Variants in ORC1 observed in about 807,000 individuals in gnomAD.
ORC1 encodes the protein origin recognition complex subunit 1, also known as origin recognition complex, subunit 1 homolog.
In ORC1, 61 loss-of-function variants were observed where a neutral mutation model predicts 98.9. The observed-to-expected ratio is 0.62, with a 90% CI of 0.50 to 0.76. The LOEUF is 0.76. ORC1 is among the 30% of genes least tolerant of loss of function. The pLI, the probability that ORC1 is intolerant of heterozygous loss-of-function variation, is 0.00. For synonymous variants in ORC1, 385 were observed against 406.9 expected (o/e 0.95, Z 0.65); for missense variants, 979 against 1,072.2 (o/e 0.91, Z 1.21).
intron 7 of ORC1, 129 bp from the exon 8 acceptor site, chr1:52,388,766 C>A: frequency 1.3e-6 from 1 of 773,514 alleles, no homozygotes; most frequent in South Asian, 1.4e-5. Flanking sequence ...GTGCTTGCTA[C>A]CGAGACACTC....
chr1:52,376,123 G>C (rs1439418805), intron 14 of ORC1, among the ~76,000 whole-genome samples: 1 of 152,226 alleles, frequency 6.6e-6, no homozygotes, highest in Non-Finnish European at 1.5e-5. Context: ...TATAATCCCA[G>C]AACTTTGGGA....
At position 52,384,819 on chromosome 1, in the gene ORC1, G is replaced by C. The variant is rs950526162; in HGVS notation, c.1584-98C>G. On this transcript the variant is annotated intron_variant, in intron 10 of 16. Transcript: ENST00000371568. ...GGGAATGTATACTGAGGGAAGGACC[G>C]AGACCCTTGAAATGTGGAGGTGGGG... The C allele has an allele frequency of 7.2e-6, 8 of 1,111,688 alleles. No individual in the cohort carries two copies. In the African/African-American group the frequency reaches 1.2e-4, roughly 17 times the overall value. 68.9% of individuals were successfully genotyped at this position (1,111,688 alleles called of 1,614,324 possible). A position where few individuals can be genotyped will look rare whatever the true frequency, so the allele number is the denominator to read the frequency against.
In ORC1 at chr1:52,394,773, C is replaced by T. The variant is rs183538105; in HGVS notation, c.722-970G>A. On this transcript the variant is annotated intron_variant, in intron 5 of 16. Transcript: ENST00000371568. Reference sequence around the variant, plus strand: ...AAGAGATTCTCCTGCCTCAGCCTCCCGAGTAGCTGGGATTACAGGTATGTG... The same window carrying T: ...AAGAGATTCTCCTGCCTCAGCCTCCTGAGTAGCTGGGATTACAGGTATGTG... Among the ~76,000 whole-genome samples, 458 of 152,178 alleles carry T rather than the reference C, an allele frequency of 3.0e-3. 2 individuals carry two copies. The highest frequency in any genetic ancestry group is 0.01 in the African/African-American group (431 of 41,508).
rs1647105984 is a variant in ORC1, at chr1:52,383,851, G to A, written c.1842C>T (p.Thr614=). ...QFCTRGSPQE[T]TVLLVDELDL... ...TCACCTCATCCACAAGCAGGACGGT[G>A]GTTTCCTGAGGTGACCCTCGGGTGC... The change falls in exon 12 of 17, where the codon ACC becomes ACT. Residue 614 remains threonine, a synonymous_variant. Transcript: ENST00000371568. 1 of 1,613,978 alleles carries A rather than the reference G, an allele frequency of 6.2e-7. No individual in the cohort carries two copies. The highest frequency in any genetic ancestry group is 8.5e-7 in the Non-Finnish European group (1 of 1,179,888).
intron 4 of ORC1, among the ~76,000 whole-genome samples, chr1:52,396,999 G>A (rs1557583757): frequency 6.6e-6 from 1 of 152,164 alleles, no homozygotes; most frequent in African/African-American, 2.4e-5. Flanking sequence ...CAAGCCCTGT[G>A]CCTCTCCGCG....
At chr1:52,404,933 G>T, upstream of ORC1, 2 of 1,596,226 alleles carry the variant, frequency 1.3e-6, no homozygotes, top group South Asian at 1.1e-5. Flanking sequence ...CATTTCTCCT[G>T]ACCGAGCGCG....
At position 52,373,085 on chromosome 1, in the gene ORC1, T is replaced by C. The variant is rs1646954059; in HGVS notation, c.*96A>G. The C allele has an allele frequency of 1.7e-5, 22 of 1,260,420 alleles. No individual in the cohort carries two copies. The highest frequency in any genetic ancestry group is 2.6e-5 in the Non-Finnish European group (22 of 861,710). The allele number at this position is 1,260,420 out of a possible 1,614,324, so 78.1% of individuals were successfully genotyped here. A position where few individuals can be genotyped will look rare whatever the true frequency, so the allele number is the denominator to read the frequency against. On this transcript the variant is annotated 3_prime_UTR_variant, in exon 17 of 17. Coordinates refer to ENST00000371568, the MANE Select transcript of ORC1 (RefSeq NM_004153.4). ...AAGTCAAGGCTGCAGTGAGCCATGATCGTGCCACTGCACTCCAGCCTGGGC... is the reference window on the plus strand; with the variant it reads ...AAGTCAAGGCTGCAGTGAGCCATGACCGTGCCACTGCACTCCAGCCTGGGC...
intron 13 of ORC1, among the ~76,000 whole-genome samples, chr1:52,382,376 T>C (rs1010034606): frequency 6.6e-6 from 1 of 152,128 alleles, no homozygotes; most frequent in Admixed American, 6.5e-5. Flanking sequence ...GGTGCTTTAA[T>C]TGAAGTGGGT....
At chr1:52,384,139 A>G (rs116784818) in intron 11 of ORC1, among the ~76,000 whole-genome samples, 17 of 152,362 alleles carry the variant, frequency 1.1e-4, no homozygotes, top group Non-Finnish European at 2.4e-4. Context: ...ATGAGTTTGA[A>G]ATGCAAATGA....
chr1:52,400,451 A>G (rs1024450127), intron 3 of ORC1, among the ~76,000 whole-genome samples: 2 of 152,338 alleles, frequency 1.3e-5, no homozygotes, highest in Middle Eastern at 3.4e-3. Flanking sequence ...GGTTGTTGTC[A>G]GGTAACTGAA....
At position 52,393,617 on chromosome 1, in the gene ORC1, T is replaced by C. The variant is rs753698719; in HGVS notation, c.908A>G (p.Tyr303Cys). ...TGAAGCCTTCTTGTCATCCTCAGTA[T>C]AAGAGAGTCCAGTCTCTCTGGTTTT... ...PEKTRETGLS[Y>C]TEDDKKASPE... is the part of the protein sequence containing the mutation. Residue 303 changes from tyrosine to cysteine, a missense_variant, in exon 6 of 17, where the codon TAT becomes TGT. Coordinates refer to ENST00000371568, the MANE Select transcript of ORC1 (RefSeq NM_004153.4). The C allele has an allele frequency of 1.9e-6, 3 of 1,614,052 alleles. No homozygotes were observed. The African/African-American group carries it at 4.0e-5, about 22-fold the overall frequency.
At chr1:52,380,422 G>A (rs1009031516) in intron 14 of ORC1, among the ~76,000 whole-genome samples, 3 of 152,222 alleles carry the variant, frequency 2.0e-5, no homozygotes, top group Non-Finnish European at 2.9e-5. Flanking sequence ...TTGGCCGAGC[G>A]CAGTGGCTTG....
chr1:52,379,792 G>A (rs573643199), intron 14 of ORC1, among the ~76,000 whole-genome samples: 4 of 152,054 alleles, frequency 2.6e-5, no homozygotes, highest in African/African-American at 7.2e-5. Context: ...AATTAGCTGG[G>A]TGTGGTGGTG....
intron 16 of ORC1, 44 bp downstream of exon 16, chr1:52,374,766 G>A (rs113159737): frequency 2.0e-5 from 27 of 1,343,792 alleles, no homozygotes; most frequent in Middle Eastern, 1.8e-4. Flanking sequence ...TTTTAAAAGC[G>A]TAAGTCCAAA....
rs1398291284 is a variant in ORC1, at chr1:52,385,859, G to A, written c.1474C>T (p.Arg492Ter). The change falls in exon 9 of 17, where the codon CGA becomes TGA. Residue 492 changes from arginine to a stop codon, truncating the protein, a stop_gained. Transcript: ENST00000371568. LOFTEE classifies it high-confidence loss of function. ...QEPASVLEEA[R>*]LRLHVSAVPE... ...AATCAACAGCAGCAGTACCTCAGTC[G>A]GGCTTCCTCCAGCACACTGGCTGGC... 5.6e-6 allele frequency: 9 copies of A among 1,612,340 alleles called. No homozygotes were observed. Among genetic ancestry groups the A allele is most frequent in the Admixed American group, 5.0e-5 (3 of 60,014 alleles).
chr1:52,397,592 T>C (rs1463269317), intron 4 of ORC1, 93 bp downstream of exon 4: 6 of 1,119,150 alleles, frequency 5.4e-6, no homozygotes, highest in Non-Finnish European at 8.2e-6. Context: ...CCCTATGGGG[T>C]ATTAGAGCCG....
chr1:52,383,628 A>C lies in ORC1; in HGVS notation c.1864-59T>G, dbSNP rs1446251976. The C allele has an allele frequency of 3.2e-6, 5 of 1,582,860 alleles. No homozygotes were observed. The Admixed American group carries it at 8.3e-5, about 26-fold the overall frequency. ...TCACAGAGACTGAGCTGGTGCTTCA[A>C]AATGAAGACCTATAACCACTGCTTT... On this transcript the variant is annotated intron_variant, in intron 12 of 16. Coordinates refer to ENST00000371568, the MANE Select transcript of ORC1 (RefSeq NM_004153.4).
At chr1:52,405,179 CT>C (rs200055844), upstream of ORC1, among the ~76,000 whole-genome samples, 531 of 152,322 alleles carry the variant, frequency 3.5e-3, 7 homozygotes, top group South Asian at 0.034. Flanking sequence ...GGATATAACA[CT>C]TTGACACAAT....
upstream of ORC1, chr1:52,408,786 C>T (rs1648069874): frequency 1.4e-6 from 2 of 1,407,250 alleles, no homozygotes; most frequent in Non-Finnish European, 9.8e-7. Flanking sequence ...AGTGTGAATG[C>T]TCCTTTTCAT....
Sources: allele counts gnomAD v4.1 joint callset (sites outside exome capture counted in the v4.1 genomes callset), GRCh38; gene constraint gnomAD v4.1.1; transcripts MANE v1.5; gene names NCBI Gene and HGNC (gene_info 2026-07-23, HGNC 2026-07-21).